DRC8: variants seen among roughly 807,000 people sequenced by gnomAD.
DRC8 encodes the protein dynein regulatory complex subunit 8.
the DRC8 span, among the ~76,000 whole-genome samples, chr1:244,972,775 C>T: frequency 6.6e-6 from 1 of 151,290 alleles, no homozygotes; most frequent in Non-Finnish European, 1.5e-5. Context: ...CAAGATCACA[C>T]CACTGCACTC....
chr1:244,987,988 TATC>T, the DRC8 span, among the ~76,000 whole-genome samples: 1 of 152,196 alleles, frequency 6.6e-6, no homozygotes, highest in African/African-American at 2.4e-5. Context: ...TTGTATTTAT[TATC>T]ATTAATTTGT....
the DRC8 span, among the ~76,000 whole-genome samples, chr1:245,097,378 C>T: frequency 6.6e-6 from 1 of 152,004 alleles, no homozygotes; most frequent in South Asian, 2.1e-4. This position sits in a 1 kb window ranked among gnomAD's most constrained non-coding sequence, Gnocchi z 5.0. Flanking sequence ...ATTAGCTGGG[C>T]ATGGTGGCGG....
At chr1:245,069,126 C>T in the DRC8 span, among the ~76,000 whole-genome samples, 2 of 152,046 alleles carry the variant, frequency 1.3e-5, no homozygotes, top group Non-Finnish European at 2.9e-5. Flanking sequence ...TTCAAGGCAC[C>T]GACCCCCGTG....
chr1:245,014,062 G>GACAA, the DRC8 span, among the ~76,000 whole-genome samples: 3 of 127,282 alleles, frequency 2.4e-5, no homozygotes, highest in African/African-American at 2.9e-5. Context: ...CAAAAAAAAA[G>GACAA]AAAAAAAGAA....
chr1:244,979,621 T>C, the DRC8 span, among the ~76,000 whole-genome samples: 8 of 151,672 alleles, frequency 5.3e-5, no homozygotes, highest in Non-Finnish European at 1.2e-4. Context: ...TTTGTATTTT[T>C]AGTAGAGACG....
chr1:244,992,056 G>T, the DRC8 span, among the ~76,000 whole-genome samples: 1 of 152,170 alleles, frequency 6.6e-6, no homozygotes, highest in Non-Finnish European at 1.5e-5. Flanking sequence ...ACTAGCAAAC[G>T]CAGTTGACAG....
the DRC8 span, among the ~76,000 whole-genome samples, chr1:245,015,964 G>GTTT: frequency 9.5e-6 from 1 of 104,944 alleles, no homozygotes; most frequent in South Asian, 2.9e-4. Flanking sequence ...AGCCTACAGG[G>GTTT]CTTTTTTTTT....
the DRC8 span, among the ~76,000 whole-genome samples, chr1:245,006,232 G>T: frequency 1.3e-5 from 2 of 152,168 alleles, no homozygotes; most frequent in South Asian, 4.1e-4. Context: ...GGTGGAATGG[G>T]AAGTGAGAGA....
chr1:244,973,834 T>A, the DRC8 span, among the ~76,000 whole-genome samples: 1 of 152,202 alleles, frequency 6.6e-6, no homozygotes, highest in African/African-American at 2.4e-5. Flanking sequence ...ATAGAAGTAT[T>A]GAGAATATTG....
the DRC8 span, among the ~76,000 whole-genome samples, chr1:245,010,618 A>G: frequency 6.6e-6 from 1 of 151,550 alleles, no homozygotes; most frequent in South Asian, 2.1e-4. Flanking sequence ...AGATAAGAGG[A>G]TCAGTATTTT....
At chr1:245,012,478 TAATC>T in the DRC8 span, among the ~76,000 whole-genome samples, 1 of 139,946 alleles carries the variant, frequency 7.1e-6, no homozygotes, top group Non-Finnish European at 1.5e-5. Context: ...AAATATAAAA[TAATC>T]AACTGAAAGA....
At chr1:245,069,956 G>C in the DRC8 span, among the ~76,000 whole-genome samples, 2 of 152,108 alleles carry the variant, frequency 1.3e-5, no homozygotes, top group Non-Finnish European at 2.9e-5. Flanking sequence ...GAGACAGGAG[G>C]GTCACTTTTG....
At chr1:244,980,898 T>G in the DRC8 span, among the ~76,000 whole-genome samples, 33 of 152,152 alleles carry the variant, frequency 2.2e-4, no homozygotes, top group Admixed American at 1.5e-3. Flanking sequence ...TTTTGTTGAC[T>G]GAGGCCGGGC....
chr1:244,970,523 T>C, the DRC8 span: 1 of 1,490,268 alleles, frequency 6.7e-7, no homozygotes, highest in East Asian at 2.8e-5. Context: ...CCGGGTGGGG[T>C]GGGCCCTCGT....
At chr1:245,036,463 C>A in the DRC8 span, among the ~76,000 whole-genome samples, 12,085 of 152,120 alleles carry the variant, frequency 0.079, 1,323 homozygotes, top group African/African-American at 0.24. Flanking sequence ...GTAGAGTTAC[C>A]ATATGACCCA....
the DRC8 span, among the ~76,000 whole-genome samples, chr1:245,073,470 G>A: frequency 2.0e-5 from 3 of 152,052 alleles, no homozygotes; most frequent in Admixed American, 6.6e-5. Flanking sequence ...TACCACTCTC[G>A]TGGGGATGCT....
chr1:245,119,789 C>G, the DRC8 span, among the ~76,000 whole-genome samples: 2 of 151,638 alleles, frequency 1.3e-5, no homozygotes, highest in Admixed American at 1.3e-4. Context: ...ACGAATTAGC[C>G]ACACGTGGTG....
the DRC8 span, among the ~76,000 whole-genome samples, chr1:245,073,484 TGTAGGG>T: frequency 6.6e-6 from 1 of 152,170 alleles, no homozygotes; most frequent in African/African-American, 2.4e-5. Context: ...GGATGCTGAT[TGTAGGG>T]GAGGCTGAGG....
At chr1:245,026,176 C>G in the DRC8 span, among the ~76,000 whole-genome samples, 1 of 152,168 alleles carries the variant, frequency 6.6e-6, no homozygotes, top group African/African-American at 2.4e-5. Context: ...CTTCCATCTT[C>G]AACTCAGTAT....
Sources: gnomAD v4.1 joint callset for allele counts (sites outside exome capture counted in the v4.1 genomes callset) on GRCh38, gnomAD v4.1.1 for gene constraint, Gnocchi (gnomAD v3.1) non-coding constraint, MANE v1.5 for transcripts, NCBI Gene and HGNC (gene_info 2026-07-23, HGNC 2026-07-21) for gene names.